Variants in RAB38 observed in about 807,000 individuals in gnomAD.
RAB38 encodes RAB38, member RAS oncogene family.
A neutral mutation model predicts 18.4 loss-of-function variants in RAB38; 15 were observed. That is an observed-to-expected ratio of 0.82 (90% CI 0.55 to 1.26). The LOEUF (loss-of-function observed/expected upper bound fraction) is 1.26. Among genes scored for constraint, RAB38 ranks in the 50% most tolerant of loss-of-function variants. The pLI is 0.00. For synonymous variants in RAB38, 101 were observed against 104.4 expected (o/e 0.97, Z 0.20); for missense variants, 294 against 267.4 (o/e 1.10, Z -0.69).
At chr11:87,847,996 G>A in the RAB38 span, among the ~76,000 whole-genome samples, 1 of 152,050 alleles carries the variant, frequency 6.6e-6, no homozygotes, top group Non-Finnish European at 1.5e-5. Context: ...TACAATGAAA[G>A]TCTACTAGTA....
At chr11:88,055,648 A>T in the RAB38 span, among the ~76,000 whole-genome samples, 1 of 152,192 alleles carries the variant, frequency 6.6e-6, no homozygotes, top group Non-Finnish European at 1.5e-5. Flanking sequence ...GAATACATGG[A>T]CTATTTAAAA....
chr11:87,900,176 G>T, the RAB38 span, among the ~76,000 whole-genome samples: 2 of 151,578 alleles, frequency 1.3e-5, no homozygotes, highest in South Asian at 2.1e-4. Flanking sequence ...TGAAGGAGGG[G>T]TTTACAGGAG....
chr11:87,929,914 A>G, the RAB38 span, among the ~76,000 whole-genome samples: 1 of 152,078 alleles, frequency 6.6e-6, no homozygotes, highest in East Asian at 1.9e-4. Flanking sequence ...TTATGGCTGC[A>G]TAGTATTCCA....
chr11:87,971,215 G>T, the RAB38 span, among the ~76,000 whole-genome samples: 4 of 152,118 alleles, frequency 2.6e-5, no homozygotes, highest in African/African-American at 9.7e-5. Flanking sequence ...TCAGAGCTGA[G>T]TTACAGTGGA....
chr11:87,966,808 A>C, the RAB38 span, among the ~76,000 whole-genome samples: 1 of 152,194 alleles, frequency 6.6e-6, no homozygotes, highest in Non-Finnish European at 1.5e-5. Context: ...AGGGTCTGGG[A>C]ATTGGATCAT....
chr11:88,073,404 G>A, the RAB38 span, among the ~76,000 whole-genome samples: 1 of 152,072 alleles, frequency 6.6e-6, no homozygotes, highest in South Asian at 2.1e-4. Context: ...GGAACTGGAG[G>A]CACTATGATT....
At chr11:87,852,701 C>T in the RAB38 span, among the ~76,000 whole-genome samples, 1 of 152,064 alleles carries the variant, frequency 6.6e-6, no homozygotes, top group Admixed American at 6.6e-5. Flanking sequence ...AACTGAATGA[C>T]GCTAGAAATA....
the RAB38 span, among the ~76,000 whole-genome samples, chr11:87,875,169 A>T: frequency 2.6e-5 from 4 of 151,470 alleles, no homozygotes; most frequent in Non-Finnish European, 4.4e-5. Flanking sequence ...TAAATTTTAA[A>T]TGTCTTAGAA....
the RAB38 span, among the ~76,000 whole-genome samples, chr11:88,097,724 T>A: frequency 6.6e-6 from 1 of 151,870 alleles, no homozygotes; most frequent in Admixed American, 6.6e-5. Context: ...CCAAGTATTA[T>A]GAAATTCCTA....
chr11:88,047,813 C>CT, the RAB38 span, among the ~76,000 whole-genome samples: 1 of 151,996 alleles, frequency 6.6e-6, no homozygotes, highest in South Asian at 2.1e-4. Context: ...AGTTTTTTTC[C>CT]TTCTCATCTG....
chr11:87,921,414 G>A, the RAB38 span, among the ~76,000 whole-genome samples: 5 of 151,728 alleles, frequency 3.3e-5, no homozygotes, highest in African/African-American at 9.7e-5. Flanking sequence ...TTATATGAGT[G>A]TTCTGAGCAT....
At chr11:88,170,153 C>T (rs1943292304) in intron 1 of RAB38, among the ~76,000 whole-genome samples, 1 of 152,182 alleles carries the variant, frequency 6.6e-6, no homozygotes, top group Non-Finnish European at 1.5e-5. Context: ...ATATATCCCT[C>T]ATTCCTACTT....
At chr11:87,955,061 A>G in the RAB38 span, among the ~76,000 whole-genome samples, 1 of 152,198 alleles carries the variant, frequency 6.6e-6, no homozygotes, top group African/African-American at 2.4e-5. Context: ...AAAGAGCAGG[A>G]GCATAGTGGG....
At chr11:87,948,742 C>T in the RAB38 span, among the ~76,000 whole-genome samples, 1 of 147,210 alleles carries the variant, frequency 6.8e-6, no homozygotes, top group Non-Finnish European at 1.5e-5. Context: ...GGATGAAGCC[C>T]ACTTGATCAT....
the RAB38 span, among the ~76,000 whole-genome samples, chr11:87,932,006 T>C: frequency 2.0e-5 from 3 of 151,940 alleles, no homozygotes; most frequent in Non-Finnish European, 4.4e-5. Flanking sequence ...ATTTTGGTGC[T>C]GCTTCTGAGG....
the RAB38 span, among the ~76,000 whole-genome samples, chr11:87,947,880 C>CT: frequency 6.6e-6 from 1 of 152,160 alleles, no homozygotes; most frequent in Non-Finnish European, 1.5e-5. Flanking sequence ...AATGCAGTCT[C>CT]TTTTTTGGTT....
the RAB38 span, among the ~76,000 whole-genome samples, chr11:87,975,682 CTTCA>C: frequency 5.9e-5 from 9 of 151,584 alleles, no homozygotes; most frequent in African/African-American, 2.2e-4. Flanking sequence ...TGAGAGATTC[CTTCA>C]TTTTCTATAA....
chr11:88,089,304 T>C, the RAB38 span, among the ~76,000 whole-genome samples: 1 of 151,832 alleles, frequency 6.6e-6, no homozygotes, highest in Non-Finnish European at 1.5e-5. Flanking sequence ...CTTTTGGCTT[T>C]GTTTTTCACG....
the RAB38 span, among the ~76,000 whole-genome samples, chr11:87,864,293 A>G: frequency 6.6e-6 from 1 of 150,768 alleles, no homozygotes; most frequent in Non-Finnish European, 1.5e-5. Context: ...AAACTATACT[A>G]TACTATGCTG....
Sources: allele counts gnomAD v4.1 joint callset (sites outside exome capture counted in the v4.1 genomes callset), GRCh38; gene constraint gnomAD v4.1.1; transcripts MANE v1.5; gene names NCBI Gene and HGNC (gene_info 2026-07-23, HGNC 2026-07-21).